GNG7: variants seen among roughly 807,000 people sequenced by gnomAD.
GNG7 encodes G protein subunit gamma 7.
In GNG7, 1 loss-of-function variant was observed where a neutral mutation model predicts 4.0. That is an observed-to-expected ratio of 0.25 (90% CI 0.09 to 1.18). The LOEUF (loss-of-function observed/expected upper bound fraction) is 1.18, where lower values mean the gene tolerates loss of function less well. Among genes scored for constraint, GNG7 ranks in the 50% most tolerant of loss-of-function variants. The probability of loss-of-function intolerance (pLI) is 0.50; values close to 1 mark genes in which losing one functional copy is unlikely to be tolerated. For missense variants in GNG7, 86 were observed against 91.9 expected, an observed-to-expected ratio of 0.94 and a Z score of 0.26; for synonymous variants, 34 against 36.9, an observed-to-expected ratio of 0.92 and a Z score of 0.29.
chr19:2,560,236 G>A (rs2144768549), intron 2 of GNG7, among the ~76,000 whole-genome samples: 1 of 152,224 alleles, frequency 6.6e-6, no homozygotes, highest in South Asian at 2.1e-4. Flanking sequence ...AATGACAAAG[G>A]GGACTACAGT....
intron 3 of GNG7, among the ~76,000 whole-genome samples, chr19:2,529,024 C>T (rs971392085): frequency 6.6e-5 from 10 of 152,180 alleles, no homozygotes; most frequent in Non-Finnish European, 7.3e-5. Context: ...TGCACCCTGT[C>T]GCCACTCCCC....
intron 3 of GNG7, among the ~76,000 whole-genome samples, chr19:2,547,514 C>A (rs1212169915): frequency 2.0e-5 from 3 of 152,126 alleles, no homozygotes; most frequent in Non-Finnish European, 4.4e-5. Flanking sequence ...ACTGCGCCCC[C>A]CCACCCCGGA....
At position 2,512,057 on chromosome 19, in the gene GNG7, C is replaced by G. The variant is rs1314301959; in HGVS notation, c.*2965G>C. 3.0e-6 allele frequency: 3 copies of G among 985,728 alleles called. No individual in the cohort carries two copies. Among genetic ancestry groups the G allele is most frequent in the Admixed American group, 1.2e-4 (2 of 16,264 alleles). The allele number at this position is 985,728 out of a possible 1,614,324, so 61.1% of individuals were successfully genotyped here. Reference sequence around the variant, plus strand: ...GCTACAGAAGGAGAAACGGCCTTCTCTCTCCCACCCGACGCTGCCTTGTGT... The same window carrying G: ...GCTACAGAAGGAGAAACGGCCTTCTGTCTCCCACCCGACGCTGCCTTGTGT... On this transcript the variant is annotated 3_prime_UTR_variant, in exon 5 of 5. Transcript: ENST00000382159. The surrounding 1 kb of genome is among the most constrained non-coding windows in gnomAD (Gnocchi z 4.7).
At position 2,610,993 on chromosome 19, in the gene GNG7, C is replaced by T. The variant is rs890233382; in HGVS notation, c.-78+35231G>A. ...GGGTGGGAGGGGGGGAACGGGCTCA[C>T]GTGCCAGGCTCGGGGGGGGGGAAGC... On this transcript the variant is annotated intron_variant, in intron 2 of 4. Coordinates refer to ENST00000382159, the MANE Select transcript of GNG7 (RefSeq NM_052847.3). 5 of 40,020 alleles carry T rather than the reference C, an allele frequency of 1.2e-4. No individual in the cohort carries two copies. The Admixed American group carries it at 1.3e-3, about 11-fold the overall frequency. 2.5% of individuals were successfully genotyped at this position (40,020 alleles called of 1,614,324 possible).
chr19:2,605,871 A>G (rs116411225), intron 2 of GNG7, among the ~76,000 whole-genome samples: 5,091 of 152,214 alleles, frequency 0.033, 270 homozygotes, highest in African/African-American at 0.12. Context: ...AGAACCCAGG[A>G]TAATCTGCCG....
At chr19:2,689,169 GA>G (rs1055118012) in intron 1 of GNG7, among the ~76,000 whole-genome samples, 5 of 140,954 alleles carry the variant, frequency 3.5e-5, no homozygotes, top group Non-Finnish European at 6.2e-5. Flanking sequence ...AAATAAATAA[GA>G]AAAAAATAAA....
At chr19:2,568,481 CAG>C (rs968239363) in intron 2 of GNG7, among the ~76,000 whole-genome samples, 13 of 151,756 alleles carry the variant, frequency 8.6e-5, no homozygotes, top group East Asian at 3.9e-4. Flanking sequence ...CACATACACA[CAG>C]ACTTACGCAC....
chr19:2,548,334 T>C (rs62121713), intron 3 of GNG7, among the ~76,000 whole-genome samples: 27,708 of 149,304 alleles, frequency 0.19, 2,578 homozygotes, highest in African/African-American at 0.23. Context: ...AAAAGAAATT[T>C]GCTGGGTGTG....
intron 2 of GNG7, among the ~76,000 whole-genome samples, chr19:2,583,970 G>A (rs1416336701): frequency 1.3e-5 from 2 of 152,152 alleles, no homozygotes; most frequent in African/African-American, 4.8e-5. Flanking sequence ...ATACATGTGT[G>A]GGTGTGGTGC....
intron 2 of GNG7, among the ~76,000 whole-genome samples, chr19:2,570,124 G>T (rs1338489479): frequency 2.9e-4 from 44 of 152,078 alleles, no homozygotes; most frequent in Non-Finnish European, 1.5e-5. Flanking sequence ...GTTCACGGAC[G>T]ACCTGGTTGT....
rs1354993794 is a variant in GNG7, at chr19:2,596,681, A to G, written c.-77-41493T>C. On this transcript the variant is annotated intron_variant, in intron 2 of 4. Transcript: ENST00000382159. ...GAGACCCTGTCCCCCCCCCAAAAAA[A>G]AAAGTGGGCAAATATCGACCCAGTT... Among the ~76,000 whole-genome samples the G allele has an allele frequency of 4.8e-4, 72 of 151,376 alleles. 1 individual carries two copies. The highest frequency in any genetic ancestry group is 1.7e-3 in the African/African-American group (71 of 41,226).
chr19:2,662,589 A>G (rs1304280608), intron 1 of GNG7, among the ~76,000 whole-genome samples: 1 of 152,234 alleles, frequency 6.6e-6, no homozygotes, highest in East Asian at 1.9e-4. Flanking sequence ...CATATTACAA[A>G]GAATACAGAC....
chr19:2,685,769 G>A (rs575951057), intron 1 of GNG7, among the ~76,000 whole-genome samples: 28 of 152,290 alleles, frequency 1.8e-4, no homozygotes, highest in African/African-American at 2.6e-4. Context: ...GTGACCGCCC[G>A]GTGTCCTCCT....
intron 3 of GNG7, among the ~76,000 whole-genome samples, chr19:2,526,280 T>C (rs1568231878): frequency 6.6e-6 from 1 of 151,888 alleles, no homozygotes; most frequent in East Asian, 1.9e-4. Flanking sequence ...AATTTTTGTA[T>C]TTTTAATAGA....
At position 2,694,843 on chromosome 19, in the gene GNG7, G is replaced by A. The variant is rs551609431; in HGVS notation, c.-135+7803C>T. On this transcript the variant is annotated intron_variant, in intron 1 of 4. Transcript: ENST00000382159. ...TGTCACAACTGGAGGTGCTCCTGGC[G>A]TGGAGTGGGTGGAGGCCAGGGACGC... Among the ~76,000 whole-genome samples, 4 of 151,926 alleles carry A rather than the reference G, an allele frequency of 2.6e-5. No individual in the cohort carries two copies. The East Asian group carries it at 5.8e-4, about 22-fold the overall frequency.
At chr19:2,524,266 C>A (rs532054494) in intron 3 of GNG7, among the ~76,000 whole-genome samples, 3 of 152,176 alleles carry the variant, frequency 2.0e-5, no homozygotes, top group African/African-American at 4.8e-5. Context: ...AAATTCCCTG[C>A]GAGATGCTGC....
intron 2 of GNG7, among the ~76,000 whole-genome samples, chr19:2,580,411 C>G (rs1426469451): frequency 6.6e-6 from 1 of 151,730 alleles, no homozygotes; most frequent in East Asian, 1.9e-4. Flanking sequence ...CTGCCTTGGC[C>G]TCCCAAGTAG....
At chr19:2,666,085 C>A (rs1335115298) in intron 1 of GNG7, among the ~76,000 whole-genome samples, 1 of 151,782 alleles carries the variant, frequency 6.6e-6, no homozygotes, top group African/African-American at 2.4e-5. Context: ...AGGCTGGTCT[C>A]GAACTCCTGA....
intron 1 of GNG7, among the ~76,000 whole-genome samples, chr19:2,665,554 C>G (rs909386399): frequency 6.6e-6 from 1 of 152,122 alleles, no homozygotes; most frequent in Non-Finnish European, 1.5e-5. Flanking sequence ...CACTGAGTCC[C>G]GAGGAAGGAT....
Sources: gnomAD v4.1 joint callset for allele counts (sites outside exome capture counted in the v4.1 genomes callset) on GRCh38, gnomAD v4.1.1 for gene constraint, Gnocchi (gnomAD v3.1) non-coding constraint, MANE v1.5 for transcripts, NCBI Gene and HGNC (gene_info 2026-07-23, HGNC 2026-07-21) for gene names.